IPO11: variants seen among roughly 807,000 people sequenced by gnomAD.
IPO11 encodes the protein importin 11, also known as importin-11.
IPO11 carries 66 observed loss-of-function variants against 143.2 expected under a neutral mutation model. That is an observed-to-expected ratio of 0.46 (90% CI 0.38 to 0.57). The LOEUF (loss-of-function observed/expected upper bound fraction) is 0.57, where lower values mean the gene tolerates loss of function less well. IPO11 is among the 20% of genes least tolerant of loss of function. IPO11 has a pLI of 0.00. For missense variants in IPO11, 1,026 were observed against 1,141.0 expected (o/e 0.90, Z 1.45); for synonymous variants, 385 against 377.8 (o/e 1.02, Z -0.22).
chr5:62,614,076 G>A (rs989633485), intron 29 of IPO11, among the ~76,000 whole-genome samples: 1 of 152,186 alleles, frequency 6.6e-6, no homozygotes, highest in Non-Finnish European at 1.5e-5. Context: ...CATTGTGTGT[G>A]AACATCATAT....
chr5:62,491,015 GT>G (rs1375003281), intron 15 of IPO11, among the ~76,000 whole-genome samples: 1 of 152,160 alleles, frequency 6.6e-6, no homozygotes. Flanking sequence ...CTCTTTCATA[GT>G]TTATAAAATT....
chr5:62,598,500 T>C lies in IPO11; in HGVS notation c.2679-3264T>C, dbSNP rs1174933738. On this transcript the variant is annotated intron_variant, in intron 28 of 29. Coordinates refer to ENST00000325324, the MANE Select transcript of IPO11 (RefSeq NM_016338.5). ...TCTCTCTCTCTCTCTCTCTCTTTCT[T>C]TCTTTCTTTCTTTCTTTCTTTCTTT... Among the ~76,000 whole-genome samples the C allele has an allele frequency of 3.4e-3, 17 of 5,034 alleles. 3 individuals carry two copies. Among genetic ancestry groups the C allele is most frequent in the East Asian group, 6.8e-3 (1 of 146 alleles). 3.3% of individuals were successfully genotyped at this position (5,034 alleles called of 152,430 possible). A position where few individuals can be genotyped will look rare whatever the true frequency, so the allele number is the denominator to read the frequency against.
At chr5:62,536,811 A>T (rs1456759278) in intron 23 of IPO11, 30 bp downstream of exon 23, 1 of 1,429,548 alleles carries the variant, frequency 7.0e-7, no homozygotes, top group South Asian at 1.5e-5. Context: ...CATTATATGA[A>T]ATTATATAAT....
intron 16 of IPO11, among the ~76,000 whole-genome samples, chr5:62,503,685 C>T (rs1741439058): frequency 1.3e-5 from 2 of 152,020 alleles, no homozygotes; most frequent in Non-Finnish European, 1.5e-5. Context: ...CCTTTAGAGA[C>T]AGTGAATAAA....
chr5:62,580,504 G>A, intron 27 of IPO11: 1 of 1,551,286 alleles, frequency 6.4e-7, no homozygotes, highest in Non-Finnish European at 8.7e-7. Context: ...TCATCTTCAG[G>A]CAAATTCTAA....
chr5:62,619,065 T>A (rs548103544), intron 29 of IPO11, among the ~76,000 whole-genome samples: 1 of 151,824 alleles, frequency 6.6e-6, no homozygotes, highest in African/African-American at 2.4e-5. Context: ...ACCCCATCTC[T>A]ACAAAAAATT....
intron 16 of IPO11, among the ~76,000 whole-genome samples, chr5:62,501,123 C>A (rs2112255445): frequency 6.6e-6 from 1 of 152,266 alleles, no homozygotes; most frequent in South Asian, 2.1e-4. Flanking sequence ...GGGATCTGGG[C>A]AGAGGTATTA....
intron 29 of IPO11, among the ~76,000 whole-genome samples, chr5:62,613,188 A>G (rs1190011223): frequency 6.7e-6 from 1 of 150,328 alleles, no homozygotes. Flanking sequence ...TCTCTCACAC[A>G]TTTTTTTACT....
chr5:62,502,171 A>G (rs148743229), intron 16 of IPO11, among the ~76,000 whole-genome samples: 1 of 152,212 alleles, frequency 6.6e-6, no homozygotes, highest in African/African-American at 2.4e-5. Flanking sequence ...GATCTGTCCA[A>G]TGTTTCTTAT....
intron 20 of IPO11, among the ~76,000 whole-genome samples, chr5:62,522,075 A>G (rs1307031547): frequency 6.6e-6 from 1 of 152,074 alleles, no homozygotes; most frequent in Non-Finnish European, 1.5e-5. Context: ...ATATCTGTTG[A>G]TCCTCGGTTG....
At chr5:62,491,783 A>G (rs1215321520) in intron 15 of IPO11, among the ~76,000 whole-genome samples, 1 of 149,682 alleles carries the variant, frequency 6.7e-6, no homozygotes, top group African/African-American at 2.5e-5. Flanking sequence ...CTCCTGCCTC[A>G]GCCTCCCCAG....
At chr5:62,483,402 T>C (rs1445484049) in intron 10 of IPO11, 109 bp downstream of exon 10, 2 of 676,374 alleles carry the variant, frequency 3.0e-6, no homozygotes, top group African/African-American at 1.8e-5. Flanking sequence ...AAAAATAAAT[T>C]GTTGCTGGGA....
intron 24 of IPO11, among the ~76,000 whole-genome samples, chr5:62,546,651 G>A (rs1743203749): frequency 6.6e-6 from 1 of 151,982 alleles, no homozygotes; most frequent in Non-Finnish European, 1.5e-5. Flanking sequence ...AAAGGGAATG[G>A]GTTTAAACTA....
rs1338717489 is a variant in IPO11 at position 62,435,100 on chromosome 5, GTATATATA to G, written c.-6-2172_-6-2165del. On this transcript the variant is annotated intron_variant, in intron 1 of 29. Coordinates refer to ENST00000325324, the MANE Select transcript of IPO11 (RefSeq NM_016338.5). ...TATATATGTGTATATATGTATATAT[GTATATATA>G]TGTATATATGTATATATGTATATAT... Among the ~76,000 whole-genome samples the G allele has an allele frequency of 2.6e-4, 16 of 62,190 alleles. 3 individuals carry two copies. In the East Asian group the frequency reaches 3.5e-3, roughly 14 times the overall value. The allele number at this position is 62,190 out of a possible 152,430, so 40.8% of individuals were successfully genotyped here.
chr5:62,480,420 G>A (rs988349050), intron 9 of IPO11, among the ~76,000 whole-genome samples: 1 of 152,058 alleles, frequency 6.6e-6, no homozygotes. Flanking sequence ...TCGGCAATGC[G>A]GGCTTTTTTT....
chr5:62,615,007 G>T (rs541180791), intron 29 of IPO11, among the ~76,000 whole-genome samples: 1 of 152,112 alleles, frequency 6.6e-6, no homozygotes, highest in African/African-American at 2.4e-5. Flanking sequence ...TCCTATTGGC[G>T]TTCTGATGCT....
At chr5:62,442,124 G>A (rs1024492316) in intron 2 of IPO11, among the ~76,000 whole-genome samples, 5 of 152,136 alleles carry the variant, frequency 3.3e-5, no homozygotes, top group South Asian at 2.1e-4. Context: ...GATTACAGGC[G>A]TGAGCTACCG....
intron 26 of IPO11, among the ~76,000 whole-genome samples, chr5:62,551,868 G>C (rs62375050): frequency 6.6e-6 from 1 of 152,206 alleles, no homozygotes; most frequent in Non-Finnish European, 1.5e-5. Flanking sequence ...GCTCACGCCT[G>C]TAATCCCAGC....
At chr5:62,508,520 T>C (rs560962411) in intron 19 of IPO11, among the ~76,000 whole-genome samples, 42 of 152,048 alleles carry the variant, frequency 2.8e-4, no homozygotes, top group African/African-American at 1.0e-3. Context: ...CTTCTTCTTC[T>C]TTCTTCCTTT....
Sources: allele counts gnomAD v4.1 joint callset (sites outside exome capture counted in the v4.1 genomes callset), GRCh38; gene constraint gnomAD v4.1.1; transcripts MANE v1.5; gene names NCBI Gene and HGNC (gene_info 2026-07-23, HGNC 2026-07-21).